AVL9: variants seen among roughly 807,000 people sequenced by gnomAD.
The protein encoded by AVL9 is AVL9 cell migration associated.
In AVL9, 49 loss-of-function variants were observed where a neutral mutation model predicts 79.2. The ratio of observed to expected loss-of-function variants is 0.62; its 90% CI spans 0.49 to 0.79. The LOEUF (loss-of-function observed/expected upper bound fraction) is 0.79. AVL9 is among the 30% of genes least tolerant of loss of function. AVL9 has a pLI of 0.00. For synonymous variants in AVL9, 299 were observed against 280.6 expected (o/e 1.07, Z -0.65); for missense variants, 682 against 776.8 (o/e 0.88, Z 1.45).
rs142643562 is a variant in AVL9 at position 32,559,014 on chromosome 7, C to A, written c.765C>A (p.Asn255Lys). ...MSEDGGLQESNPCADDFVSAS... is the reference protein window; with the variant it reads ...MSEDGGLQESKPCADDFVSAS... ...AAGATGGTGGGCTTCAGGAAAGTAA[C>A]CCATGTGCAGATGATTTTGTTTCTG... The change falls in exon 10 of 16, where the codon AAC becomes AAA. Residue 255 changes from asparagine to lysine, a missense_variant. Transcript: ENST00000318709. 1.2e-3 allele frequency: 1,892 copies of A among 1,614,012 alleles called. 2 individuals are homozygous for A. The highest frequency in any genetic ancestry group is 1.3e-3 in the Non-Finnish European group (1,567 of 1,179,950).
chr7:32,495,726 G>T lies in AVL9; in HGVS notation c.17G>T (p.Arg6Ile), dbSNP rs557164104. 128 of 1,261,594 alleles carry T rather than the reference G, an allele frequency of 1.0e-4. No homozygotes were observed. The Middle Eastern group carries it at 1.1e-3, about 11-fold the overall frequency. The allele number at this position is 1,261,594 out of a possible 1,614,324, so 78.1% of individuals were successfully genotyped here. ...CGGCCGCCCATGGAGAAGGCCAGGA[G>T]AGGCGGGGATGGCGTCCCCCGGGGG... MEKARRGGDGVPRGPV... is the reference protein window; with the variant it reads MEKARIGGDGVPRGPV... The change falls in exon 1 of 16, where the codon AGA becomes ATA. Residue 6 changes from arginine (R) to isoleucine (I), a missense_variant. Transcript: ENST00000318709.
chr7:32,562,427 A>G (rs760855014), intron 10 of AVL9: 1 of 155,572 alleles, frequency 6.4e-6, no homozygotes, highest in Non-Finnish European at 1.4e-5. Flanking sequence ...CTTCATTTGA[A>G]TATAACTGTT....
intron 1 of AVL9, among the ~76,000 whole-genome samples, chr7:32,518,079 A>G (rs527917459): frequency 1.3e-5 from 2 of 152,046 alleles, no homozygotes; most frequent in East Asian, 3.9e-4. Flanking sequence ...GATCGACCCA[A>G]CTCGGCCTCA....
chr7:32,549,302 G>A (rs1789693371), intron 4 of AVL9, among the ~76,000 whole-genome samples: 1 of 150,202 alleles, frequency 6.7e-6, no homozygotes, highest in South Asian at 2.1e-4. Context: ...TTGGCTTACT[G>A]CAACCTCTGC....
At chr7:32,561,032 G>T (rs1311685760) in intron 10 of AVL9, among the ~76,000 whole-genome samples, 1 of 152,184 alleles carries the variant, frequency 6.6e-6, no homozygotes, top group Non-Finnish European at 1.5e-5. Flanking sequence ...GTAAAGAGAT[G>T]TGCTGTCATC....
Position 32,568,845 on chromosome 7 carries a change from A to G in AVL9, c.1216-1175A>G, listed in dbSNP as rs59358640. 1.1e-3 allele frequency among the ~76,000 whole-genome samples: 161 copies of G among 152,298 alleles called. 1 individual carries two copies. In the East Asian group the frequency reaches 0.027, roughly 25 times the overall value. On this transcript the variant is annotated intron_variant, in intron 10 of 15. Coordinates refer to ENST00000318709, the MANE Select transcript of AVL9 (RefSeq NM_015060.3). ...TTCTGAATGAGGAGCCTGGGTTGAG[A>G]AGCTCTATACTGAGCATCTCTAATG...
At chr7:32,502,679 A>AT (rs913745400) in intron 1 of AVL9, among the ~76,000 whole-genome samples, 3 of 151,998 alleles carry the variant, frequency 2.0e-5, no homozygotes, top group African/African-American at 4.8e-5. Context: ...CATTGTAGCC[A>AT]TTTTTTTGGT....
intron 5 of AVL9, 89 bp from the exon 6 acceptor site, chr7:32,552,140 T>G (rs1789860646): frequency 1.2e-6 from 1 of 817,794 alleles, no homozygotes; most frequent in Non-Finnish European, 2.0e-6. Context: ...CTACCTCAAT[T>G]AAGGAATCAG....
At chr7:32,497,457 A>G (rs1159503107) in intron 1 of AVL9, among the ~76,000 whole-genome samples, 2 of 152,202 alleles carry the variant, frequency 1.3e-5, no homozygotes, top group Non-Finnish European at 2.9e-5. Context: ...TAATTAAAGT[A>G]TGTAAGATTT....
chr7:32,586,248 C>G lies in AVL9; in HGVS notation c.*2341C>G, dbSNP rs1791770356. 6.6e-6 allele frequency: 1 copy of G among 152,212 alleles called. No homozygotes were observed. Among genetic ancestry groups the G allele is most frequent in the African/African-American group, 2.4e-5 (1 of 41,442 alleles). 9.4% of individuals were successfully genotyped at this position (152,212 alleles called of 1,614,324 possible). Reference sequence around the variant, plus strand: ...TTAACATTTCTAGCTAAGAGTTTGACTCTTAGTGGTCACTTTACTGACTTT... The same window carrying G: ...TTAACATTTCTAGCTAAGAGTTTGAGTCTTAGTGGTCACTTTACTGACTTT... On this transcript the variant is annotated 3_prime_UTR_variant, in exon 16 of 16. Transcript: ENST00000318709.
intron 12 of AVL9, among the ~76,000 whole-genome samples, chr7:32,574,719 G>A (rs1329391187): frequency 3.1e-4 from 3 of 9,524 alleles, no homozygotes; most frequent in African/African-American, 8.9e-4. Flanking sequence ...AGCTCACAGA[G>A]GTTCATAAGA....
At chr7:32,497,652 TC>T (rs1232014682) in intron 1 of AVL9, among the ~76,000 whole-genome samples, 1,541 of 106,810 alleles carry the variant, frequency 0.014, 29 homozygotes, top group African/African-American at 0.043. Context: ...GACCATTAGT[TC>T]TTTTTTTTTT....
At chr7:32,548,383 G>A (rs1289177003) in intron 3 of AVL9, among the ~76,000 whole-genome samples, 3 of 151,906 alleles carry the variant, frequency 2.0e-5, no homozygotes, top group African/African-American at 7.3e-5. Flanking sequence ...CCTGGCCTCA[G>A]GTGACCCACC....
In AVL9 at chr7:32,543,180, C is replaced by T. The variant is rs1173093746; in HGVS notation, c.133C>T (p.His45Tyr). ...CCCGCCCCTGATTCCAGGAGATGGA[C>T]ATGACAGCCACACTTTACCTGAAGA... Reference protein sequence around the residue: ...SYPPLIPGDGHDSHTLPEEWK... With the variant: ...SYPPLIPGDGYDSHTLPEEWK... The change falls in exon 2 of 16, where the codon CAT (histidine) becomes TAT (tyrosine). Residue 45 changes from histidine to tyrosine, a missense_variant. Coordinates refer to ENST00000318709, the MANE Select transcript of AVL9 (RefSeq NM_015060.3). The T allele has an allele frequency of 1.9e-6, 3 of 1,614,036 alleles. No homozygotes were observed. The Admixed American group carries it at 5.0e-5, about 27-fold the overall frequency.
At chr7:32,512,566 T>C (rs1489979092) in intron 1 of AVL9, among the ~76,000 whole-genome samples, 1 of 152,164 alleles carries the variant, frequency 6.6e-6, no homozygotes, top group Non-Finnish European at 1.5e-5. Flanking sequence ...GACAGGATCT[T>C]GTAGGAGGAG....
intron 1 of AVL9, among the ~76,000 whole-genome samples, chr7:32,517,309 CTTT>C (rs1054366807): frequency 7.0e-6 from 1 of 142,442 alleles, no homozygotes; most frequent in Middle Eastern, 3.3e-3. Flanking sequence ...TTTTCTTTTT[CTTT>C]TTTTTTTTTT....
chr7:32,566,270 G>A (rs1347262137), intron 10 of AVL9, among the ~76,000 whole-genome samples: 8 of 136,336 alleles, frequency 5.9e-5, no homozygotes, highest in Admixed American at 8.4e-5. Flanking sequence ...TCCACCTCCT[G>A]TGCTCAAGCG....
intron 5 of AVL9, among the ~76,000 whole-genome samples, chr7:32,551,801 CAT>C (rs764253736): frequency 2.0e-4 from 30 of 151,918 alleles, no homozygotes; most frequent in Non-Finnish European, 4.0e-4. Flanking sequence ...AGAAAAACCA[CAT>C]GATTATTTTA....
intron 4 of AVL9, among the ~76,000 whole-genome samples, chr7:32,550,219 C>G (rs546808287): frequency 6.6e-6 from 1 of 152,146 alleles, no homozygotes; most frequent in Non-Finnish European, 1.5e-5. Flanking sequence ...GGCATTAATT[C>G]TGTACCAGAC....
Sources: allele counts gnomAD v4.1 joint callset (sites outside exome capture counted in the v4.1 genomes callset), GRCh38; gene constraint gnomAD v4.1.1; transcripts MANE v1.5; gene names NCBI Gene and HGNC (gene_info 2026-07-23, HGNC 2026-07-21).